SGPP2: variants seen among roughly 807,000 people sequenced by gnomAD.
SGPP2 encodes the protein sphingosine 1-phosphate phosphohydrolase 2.
SGPP2 carries 30 observed loss-of-function variants against 33.9 expected under a neutral mutation model. The ratio of observed to expected loss-of-function variants is 0.89; its 90% CI spans 0.66 to 1.20. The LOEUF (loss-of-function observed/expected upper bound fraction) is 1.20. SGPP2 is among the 50% of genes most tolerant of loss of function. SGPP2 has a pLI of 0.00. For missense variants in SGPP2, 458 were observed against 532.1 expected, an observed-to-expected ratio of 0.86 and a Z score of 1.37; for synonymous variants, 233 against 225.0, an observed-to-expected ratio of 1.04 and a Z score of -0.32.
chr2:222,494,646 C>T (rs6745812), intron 2 of SGPP2, among the ~76,000 whole-genome samples: 101,352 of 152,134 alleles, frequency 0.67, 34,594 homozygotes, highest in East Asian at 0.99. Flanking sequence ...CAGTCACATA[C>T]GTATCCAAAA....
At position 222,460,585 on chromosome 2, in the gene SGPP2, C is replaced by T. The variant is rs1697643207; in HGVS notation, c.220-13983C>T. Among the ~76,000 whole-genome samples the T allele has an allele frequency of 6.6e-6, 1 of 152,198 alleles. No homozygotes were observed. Among genetic ancestry groups the T allele is most frequent in the Admixed American group, 6.5e-5 (1 of 15,282 alleles). On this transcript the variant is annotated intron_variant, in intron 1 of 4. Coordinates refer to ENST00000321276, the MANE Select transcript of SGPP2 (RefSeq NM_152386.4). The surrounding 1 kb of genome is among the most constrained non-coding windows in gnomAD (Gnocchi z 4.3). Reference sequence around the variant, plus strand: ...ATCATGGCACCTCTTGGCTCCAGCACTTTCAAAGGCTCCCTATTACCCAAG... The same window carrying T: ...ATCATGGCACCTCTTGGCTCCAGCATTTTCAAAGGCTCCCTATTACCCAAG...
intron 1 of SGPP2, among the ~76,000 whole-genome samples, chr2:222,459,367 C>T (rs970325909): frequency 1.3e-5 from 2 of 151,996 alleles, no homozygotes; most frequent in Non-Finnish European, 2.9e-5. Flanking sequence ...CCAGGCTGGT[C>T]TCAAACTCCT....
At chr2:222,461,177 A>C (rs1272099890) in intron 1 of SGPP2, among the ~76,000 whole-genome samples, 1 of 152,242 alleles carries the variant, frequency 6.6e-6, no homozygotes, top group Non-Finnish European at 1.5e-5. Flanking sequence ...CCATTTATTG[A>C]ACACATGCTG....
At chr2:222,498,635 C>T (rs1334641229) in intron 2 of SGPP2, among the ~76,000 whole-genome samples, 2 of 151,914 alleles carry the variant, frequency 1.3e-5, no homozygotes, top group Non-Finnish European at 2.9e-5. Context: ...CTGTTCCAGA[C>T]TCTGGGCCAC....
intron 1 of SGPP2, among the ~76,000 whole-genome samples, chr2:222,431,263 G>A (rs1342777120): frequency 1.3e-5 from 2 of 151,834 alleles, no homozygotes; most frequent in Non-Finnish European, 2.9e-5. Flanking sequence ...GCAGCATTTC[G>A]GGAGGCCAAG....
chr2:222,507,977 A>T (rs1698470634), intron 2 of SGPP2, among the ~76,000 whole-genome samples: 1 of 152,128 alleles, frequency 6.6e-6, no homozygotes, highest in South Asian at 2.1e-4. Context: ...CATGATTTTC[A>T]TGTTTGAGTG....
At chr2:222,466,172 C>T (rs1697741205) in intron 1 of SGPP2, among the ~76,000 whole-genome samples, 1 of 151,528 alleles carries the variant, frequency 6.6e-6, no homozygotes, top group Admixed American at 6.6e-5. Flanking sequence ...TATTGTCAAC[C>T]TTACATCACT....
At chr2:222,546,320 C>G (rs1438176475) in intron 4 of SGPP2, among the ~76,000 whole-genome samples, 2 of 152,110 alleles carry the variant, frequency 1.3e-5, no homozygotes, top group Non-Finnish European at 2.9e-5. Context: ...AATCTTGTAC[C>G]TCATTACATC....
At chr2:222,474,938 G>A (rs748802128) in intron 2 of SGPP2, among the ~76,000 whole-genome samples, 50 of 151,980 alleles carry the variant, frequency 3.3e-4, no homozygotes, top group Non-Finnish European at 6.6e-4. Context: ...AAGGTAAGCT[G>A]GGGGACAGTG....
At chr2:222,545,183 T>TGG (rs1266654956) in intron 4 of SGPP2, among the ~76,000 whole-genome samples, 1 of 152,216 alleles carries the variant, frequency 6.6e-6, no homozygotes, top group East Asian at 1.9e-4. Flanking sequence ...TTATGATTTC[T>TGG]TTCTTCGCTC....
intron 4 of SGPP2, among the ~76,000 whole-genome samples, chr2:222,534,193 C>G (rs1211656455): frequency 1.3e-5 from 2 of 152,210 alleles, no homozygotes; most frequent in African/African-American, 4.8e-5. Flanking sequence ...GCTCATCATA[C>G]TATATTTATG....
At chr2:222,452,940 A>G in intron 1 of SGPP2, 1 of 1,571,486 alleles carries the variant, frequency 6.4e-7, no homozygotes, top group South Asian at 1.1e-5. Context: ...CATCTGTTGA[A>G]GGCTGAGGTA....
At chr2:222,447,212 A>G (rs1697411322) in intron 1 of SGPP2, among the ~76,000 whole-genome samples, 1 of 152,192 alleles carries the variant, frequency 6.6e-6, no homozygotes, top group South Asian at 2.1e-4. Context: ...TATCCTTTTT[A>G]TAAAGAAAAC....
chr2:222,506,880 T>C (rs1698453419), intron 2 of SGPP2, among the ~76,000 whole-genome samples: 2 of 151,602 alleles, frequency 1.3e-5, no homozygotes, highest in Admixed American at 1.3e-4. Flanking sequence ...GTATAATAAA[T>C]ATATATATAT....
intron 1 of SGPP2, among the ~76,000 whole-genome samples, chr2:222,430,561 C>T (rs1406239523): frequency 2.0e-5 from 3 of 152,194 alleles, no homozygotes; most frequent in Non-Finnish European, 4.4e-5. Flanking sequence ...TCAAGCGATC[C>T]TCCTGCCTTG....
intron 4 of SGPP2, among the ~76,000 whole-genome samples, chr2:222,553,395 A>G (rs1689331041): frequency 6.6e-6 from 1 of 152,234 alleles, no homozygotes; most frequent in Non-Finnish European, 1.5e-5. Context: ...AGAAAGTTCA[A>G]ATGGGAAAGT....
chr2:222,516,976 T>A (rs57450035), intron 2 of SGPP2, among the ~76,000 whole-genome samples: 3,467 of 152,312 alleles, frequency 0.023, 128 homozygotes, highest in African/African-American at 0.079. Context: ...TTCTAGTGGA[T>A]GTGTAGCAGT....
chr2:222,523,381 C>T (rs1470371473), intron 3 of SGPP2, among the ~76,000 whole-genome samples: 3 of 152,146 alleles, frequency 2.0e-5, no homozygotes, highest in South Asian at 4.1e-4. Context: ...CCTAGAAGGA[C>T]GTAGTGGGCC....
intron 1 of SGPP2, among the ~76,000 whole-genome samples, chr2:222,447,954 AAG>A (rs1209158348): frequency 6.6e-6 from 1 of 152,218 alleles, no homozygotes; most frequent in Non-Finnish European, 1.5e-5. Context: ...TAGAGAGAGC[AAG>A]AGAGGTGTAT....
Sources: allele counts gnomAD v4.1 joint callset (sites outside exome capture counted in the v4.1 genomes callset), GRCh38; gene constraint gnomAD v4.1.1; non-coding constraint Gnocchi (gnomAD v3.1); transcripts MANE v1.5; gene names NCBI Gene and HGNC (gene_info 2026-07-23, HGNC 2026-07-21).